GMCL1: variants seen among roughly 807,000 people sequenced by gnomAD.
GMCL1 encodes germ cell-less 1, spermatogenesis associated, also known as germ cell-less protein-like 1.
GMCL1 carries 54 observed loss-of-function variants against 75.5 expected under a neutral mutation model. That is an observed-to-expected ratio of 0.71 (90% CI 0.57 to 0.90). GMCL1 has a LOEUF of 0.90. GMCL1 is among the 40% of genes least tolerant of loss of function. The pLI is 0.00. For synonymous variants in GMCL1, 210 were observed against 209.6 expected, an observed-to-expected ratio of 1.00 and a Z score of -0.02; for missense variants, 537 against 622.7, an observed-to-expected ratio of 0.86 and a Z score of 1.47.
chr2:69,867,157 G>A (rs911847481), intron 11 of GMCL1, among the ~76,000 whole-genome samples: 1 of 151,802 alleles, frequency 6.6e-6, no homozygotes, highest in Non-Finnish European at 1.5e-5. Flanking sequence ...TGTTGCCCAG[G>A]CTGTTCTCAG....
intron 1 of GMCL1, 61 bp from the exon 2 acceptor site, chr2:69,837,486 G>A: frequency 1.6e-6 from 2 of 1,237,020 alleles, no homozygotes; most frequent in Non-Finnish European, 1.1e-6. Context: ...AGAAATATAT[G>A]CAAAATCAGT....
At chr2:69,868,759 T>C (rs989616465) in intron 11 of GMCL1, among the ~76,000 whole-genome samples, 4 of 151,034 alleles carry the variant, frequency 2.6e-5, no homozygotes, top group Admixed American at 2.0e-4. Context: ...GGCTCTTAAT[T>C]ACCTTAGTGC....
At chr2:69,853,933 C>G (rs1397271885) in intron 8 of GMCL1, among the ~76,000 whole-genome samples, 1 of 151,876 alleles carries the variant, frequency 6.6e-6, no homozygotes, top group African/African-American at 2.4e-5. Flanking sequence ...TCCCAGTTAG[C>G]TGGGTTTACA....
At position 69,847,544 on chromosome 2, in the gene GMCL1, A is replaced by T; in HGVS notation, c.760A>T (p.Ile254Leu). 1.3e-6 allele frequency: 2 copies of T among 1,593,766 alleles called. No individual in the cohort carries two copies. The change falls in exon 7 of 14, where the codon ATA becomes TTA. Residue 254 changes from isoleucine (I) to leucine (L), a missense_variant and splice_region_variant. Ile to Leu is a conservative substitution (Grantham distance 5). This residue lies in a region of GMCL1 where 345 missense variants were observed against 410.5 expected (regional missense o/e 0.84). Coordinates refer to ENST00000282570, the MANE Select transcript of GMCL1 (RefSeq NM_178439.5). ...ACTCCCTCTATTTATCCTTTTCAGTATAAATGTCATGAAACAGCTCATTGG... is the reference window on the plus strand; with the variant it reads ...ACTCCCTCTATTTATCCTTTTCAGTTTAAATGTCATGAAACAGCTCATTGG... ...QNVELFKELS[I>L]NVMKQLIGSS...
In GMCL1 at chr2:69,869,699, TTC is replaced by T. The variant is rs1453759663; in HGVS notation, c.1219-14_1219-13del. On this transcript the variant is annotated intron_variant, in intron 11 of 13. Transcript: ENST00000282570. ...CTAATATGATAAACTGAAATAAGTC[TTC>T]TCTCTTGTATTTTTTAGTACTGCTG... 6.2e-7 allele frequency: 1 copy of T among 1,609,148 alleles called. No individual in the cohort carries two copies. The highest frequency in any genetic ancestry group is 8.5e-7 in the Non-Finnish European group (1 of 1,177,478).
rs771839369 is a variant in GMCL1 at position 69,869,748 on chromosome 2, C to T, written c.1248C>T (p.Phe416=). ...GCTGGCGTTGGACAGGTTTTAACTT[C>T]GGCTTCGACCTACTTGTAACTTACA... is the stretch of plus-strand genomic sequence containing the variant. The part of the protein sequence containing the change: ...EYCWRWTGFN[F]GFDLLVTYTN... Residue 416 remains phenylalanine (F), a synonymous_variant, in exon 12 of 14, where the codon TTC becomes TTT. Coordinates refer to ENST00000282570, the MANE Select transcript of GMCL1 (RefSeq NM_178439.5). The T allele has an allele frequency of 2.4e-5, 39 of 1,613,792 alleles. No individual in the cohort carries two copies. In the African/African-American group the frequency reaches 2.5e-4, roughly 11 times the overall value.
chr2:69,841,402 A>T (rs1262268556), intron 4 of GMCL1, among the ~76,000 whole-genome samples: 1 of 152,238 alleles, frequency 6.6e-6, no homozygotes, highest in African/African-American at 2.4e-5. Flanking sequence ...TCAAATAAAC[A>T]TGCATGCCTA....
At chr2:69,837,738 G>A (rs1402802178) in intron 2 of GMCL1, 68 bp downstream of exon 2, 2 of 1,504,936 alleles carry the variant, frequency 1.3e-6, no homozygotes, top group Admixed American at 2.2e-5. Flanking sequence ...CTTCCTCATT[G>A]CACTTCACAG....
intron 13 of GMCL1, among the ~76,000 whole-genome samples, chr2:69,876,120 A>G (rs1312271960): frequency 6.6e-6 from 1 of 152,208 alleles, no homozygotes; most frequent in South Asian, 2.1e-4. Flanking sequence ...TGCTAAATGG[A>G]TTTTCACTAT....
chr2:69,854,766 A>G (rs1365191601), intron 8 of GMCL1, 57 bp from the exon 9 acceptor site: 21 of 1,480,148 alleles, frequency 1.4e-5, no homozygotes, highest in East Asian at 2.3e-5. Flanking sequence ...CCACAAAAAC[A>G]TTTAAGAATA....
At chr2:69,858,580 A>G (rs1675548206) in intron 9 of GMCL1, among the ~76,000 whole-genome samples, 2 of 151,976 alleles carry the variant, frequency 1.3e-5, no homozygotes, top group Non-Finnish European at 2.9e-5. Flanking sequence ...TTCATCCCAT[A>G]TTTTACCAGG....
Position 69,880,378 on chromosome 2 carries a change from TTC to T in GMCL1, c.*1376_*1377del, listed in dbSNP as rs1676246875. ...CTTTTGGAATTTATTAATAATTTTT[TTC>T]TTTTTTAATGATATGCCCATAGGTT... On this transcript the variant is annotated 3_prime_UTR_variant, in exon 14 of 14. Transcript: ENST00000282570. 1 of 152,198 alleles carries T rather than the reference TTC, an allele frequency of 6.6e-6. No homozygotes were observed. Among genetic ancestry groups the T allele is most frequent in the South Asian group, 2.1e-4 (1 of 4,832 alleles). 9.4% of individuals were successfully genotyped at this position (152,198 alleles called of 1,614,324 possible). A position where few individuals can be genotyped will look rare whatever the true frequency, so the allele number is the denominator to read the frequency against.
At chr2:69,840,701 TA>T (rs1459444958) in intron 3 of GMCL1, among the ~76,000 whole-genome samples, 1 of 152,214 alleles carries the variant, frequency 6.6e-6, no homozygotes, top group Non-Finnish European at 1.5e-5. Context: ...GATTACATGT[TA>T]GAAGAATGCA....
At chr2:69,848,253 T>C (rs1345853895) in intron 7 of GMCL1, among the ~76,000 whole-genome samples, 1 of 152,176 alleles carries the variant, frequency 6.6e-6, no homozygotes, top group Non-Finnish European at 1.5e-5. Flanking sequence ...CGCAAAACAG[T>C]GTTGTGAGTA....
chr2:69,873,008 C>A (rs972889611), intron 13 of GMCL1, among the ~76,000 whole-genome samples: 1 of 152,158 alleles, frequency 6.6e-6, no homozygotes, highest in Non-Finnish European at 1.5e-5. Context: ...GTTAATATAG[C>A]CTAGTGTAAG....
At position 69,830,117 on chromosome 2, in the gene GMCL1, G is replaced by C. The variant is rs778781944; in HGVS notation, c.225G>C (p.Gly75=). ...DSETDEDEEE[G]DEQQRLLNTP... Reference sequence around the variant, plus strand: ...AGACGGACGAGGATGAGGAGGAGGGGGACGAGCAGCAGCGGCTCCTCAACA... The same window carrying C: ...AGACGGACGAGGATGAGGAGGAGGGCGACGAGCAGCAGCGGCTCCTCAACA... The change falls in exon 1 of 14, where the codon GGG becomes GGC. Residue 75 remains glycine (G), a synonymous_variant. Coordinates refer to ENST00000282570, the MANE Select transcript of GMCL1 (RefSeq NM_178439.5). 2.5e-6 allele frequency: 4 copies of C among 1,577,990 alleles called. No homozygotes were observed. The highest frequency in any genetic ancestry group is 3.4e-6 in the Non-Finnish European group (4 of 1,161,472).
At chr2:69,833,622 TA>T (rs1674736367) in intron 1 of GMCL1, among the ~76,000 whole-genome samples, 1 of 152,176 alleles carries the variant, frequency 6.6e-6, no homozygotes, top group Non-Finnish European at 1.5e-5. Flanking sequence ...TCTCAAAAAC[TA>T]AACAAATAAA....
chr2:69,850,244 A>C (rs180714709), intron 8 of GMCL1, among the ~76,000 whole-genome samples: 26 of 152,324 alleles, frequency 1.7e-4, no homozygotes, highest in Admixed American at 1.4e-3. Context: ...ACCTTCCGTC[A>C]GATTCTTAGT....
intron 6 of GMCL1, chr2:69,844,884 T>G (rs1344266876): frequency 1.6e-5 from 6 of 365,238 alleles, no homozygotes; most frequent in South Asian, 4.1e-5. Flanking sequence ...CCACTCCTGA[T>G]GAGAGAAGTC....
Sources: allele counts gnomAD v4.1 joint callset (sites outside exome capture counted in the v4.1 genomes callset), GRCh38; gene constraint gnomAD v4.1.1; regional missense constraint gnomAD v4.1.1; transcripts MANE v1.5; gene names NCBI Gene and HGNC (gene_info 2026-07-23, HGNC 2026-07-21).